The following DOCK8 variants were observed in gnomAD, a reference collection of about 807,000 sequenced individuals.
DOCK8 encodes the protein dedicator of cytokinesis 8.
In DOCK8, 141 loss-of-function variants were observed where a neutral mutation model predicts 245.6. The observed-to-expected ratio is 0.57, with a 90% CI of 0.50 to 0.66. The LOEUF (loss-of-function observed/expected upper bound fraction) is 0.66, where lower values mean the gene tolerates loss of function less well. Ranked by LOEUF, DOCK8 falls within the 30% of genes least tolerant of loss-of-function variation. The probability of loss-of-function intolerance (pLI) is 0.00; values close to 1 mark genes in which losing one functional copy is unlikely to be tolerated. For synonymous variants in DOCK8, 1,168 were observed against 970.2 expected (o/e 1.20, Z -3.79); for missense variants, 2,965 against 2,603.4 (o/e 1.14, Z -3.02).
intron 1 of DOCK8, among the ~76,000 whole-genome samples, chr9:236,726 G>C (rs1407652424): frequency 1.3e-5 from 2 of 152,210 alleles, no homozygotes; most frequent in South Asian, 4.1e-4. Flanking sequence ...CTTGTTTCAT[G>C]TTTATATCAC....
intron 14 of DOCK8, among the ~76,000 whole-genome samples, chr9:348,960 A>G (rs1187946035): frequency 6.6e-6 from 1 of 152,124 alleles, no homozygotes; most frequent in Non-Finnish European, 1.5e-5. Context: ...AGGTATTTTA[A>G]CAGCTCTCCT....
chr9:379,112 A>G (rs12353313), intron 20 of DOCK8, among the ~76,000 whole-genome samples: 45,219 of 151,922 alleles, frequency 0.3, 7,223 homozygotes, highest in African/African-American at 0.4. Flanking sequence ...GGGACAATAC[A>G]ATGACTGCCT....
intron 30 of DOCK8, among the ~76,000 whole-genome samples, chr9:419,886 G>T (rs2056202295): frequency 6.6e-6 from 1 of 152,188 alleles, no homozygotes; most frequent in African/African-American, 2.4e-5. Flanking sequence ...TTAATTTGCT[G>T]AGCAGTTCAT....
intron 14 of DOCK8, chr9:365,945 C>T (rs918628180): frequency 5.1e-5 from 13 of 256,562 alleles, no homozygotes; most frequent in East Asian, 9.6e-5. Flanking sequence ...TCAGTCTTAC[C>T]GACCTGCATC....
At chr9:237,881 T>C (rs2047293061) in intron 1 of DOCK8, among the ~76,000 whole-genome samples, 1 of 151,942 alleles carries the variant, frequency 6.6e-6, no homozygotes, top group African/African-American at 2.4e-5. Flanking sequence ...ACAAAGTGAT[T>C]AATTTAGAAT....
At chr9:399,382 C>T (rs775375537) in intron 26 of DOCK8, 123 bp downstream of exon 26, 49 of 762,202 alleles carry the variant, frequency 6.4e-5, no homozygotes, top group Non-Finnish European at 1.1e-4. Context: ...CCTACACATC[C>T]TGTGTTTTGC....
intron 21 of DOCK8, among the ~76,000 whole-genome samples, chr9:382,192 A>G (rs1442109710): frequency 6.6e-6 from 1 of 152,188 alleles, no homozygotes; most frequent in Non-Finnish European, 1.5e-5. Context: ...GCTTCTCATG[A>G]GAAATCAGAA....
chr9:337,432 A>G (rs1369027396), intron 12 of DOCK8, among the ~76,000 whole-genome samples: 2 of 152,132 alleles, frequency 1.3e-5, no homozygotes, highest in East Asian at 1.9e-4. Flanking sequence ...CAACTATCCT[A>G]TTTGAACTAT....
At chr9:366,573 C>T (rs2053011797) in intron 14 of DOCK8, 1 of 152,116 alleles carries the variant, frequency 6.6e-6, no homozygotes, top group Non-Finnish European at 1.5e-5. Context: ...CTCAATGTGT[C>T]CCCAAATAAT....
At chr9:383,964 A>C (rs1227037731) in intron 22 of DOCK8, among the ~76,000 whole-genome samples, 1 of 152,168 alleles carries the variant, frequency 6.6e-6, no homozygotes, top group African/African-American at 2.4e-5. Context: ...TATTCATGGA[A>C]TATTATTCAT....
intron 1 of DOCK8, among the ~76,000 whole-genome samples, chr9:216,962 A>C (rs1256895354): frequency 1.3e-5 from 2 of 152,152 alleles, no homozygotes; most frequent in African/African-American, 4.8e-5. Flanking sequence ...TGGACATGTT[A>C]CTTAACTTCT....
intron 39 of DOCK8, among the ~76,000 whole-genome samples, chr9:438,383 G>C (rs149326646): frequency 6.0e-4 from 92 of 152,302 alleles, no homozygotes; most frequent in African/African-American, 2.1e-3. Context: ...TGTGCCACCT[G>C]TTTGTAATCC....
At chr9:275,312 A>G (rs57156601) in intron 2 of DOCK8, among the ~76,000 whole-genome samples, 8,685 of 152,252 alleles carry the variant, frequency 0.057, 860 homozygotes, top group African/African-American at 0.2. Flanking sequence ...ATTTGGGAGA[A>G]CAGGTAATGT....
At chr9:286,956 G>C (rs1163936226) in intron 3 of DOCK8, among the ~76,000 whole-genome samples, 1 of 152,184 alleles carries the variant, frequency 6.6e-6, no homozygotes, top group Non-Finnish European at 1.5e-5. Context: ...GACCTTGGCT[G>C]TCACATGACC....
rs1427684697 is a variant in DOCK8 at position 386,666 on chromosome 9, T to C, written c.2874+240T>C. Among the ~76,000 whole-genome samples, 3 of 152,196 alleles carry C rather than the reference T, an allele frequency of 2.0e-5. No individual in the cohort carries two copies. In the East Asian group the frequency reaches 5.8e-4, roughly 29 times the overall value. ...ATGCATCAGAATTACCTGGAAGCCTTGTTAAAACTCATCGCTGGACCCTAC... is the reference window on the plus strand; with the variant it reads ...ATGCATCAGAATTACCTGGAAGCCTCGTTAAAACTCATCGCTGGACCCTAC... On this transcript the variant is annotated intron_variant, in intron 23 of 47. Coordinates refer to ENST00000432829, the MANE Select transcript of DOCK8 (RefSeq NM_203447.4).
intron 23 of DOCK8, among the ~76,000 whole-genome samples, chr9:387,966 GCAGA>G (rs1483235006): frequency 3.9e-5 from 6 of 152,174 alleles, no homozygotes; most frequent in African/African-American, 1.4e-4. Context: ...TAATACCTTA[GCAGA>G]CAGAGTTTTG....
chr9:448,929 A>C (rs1178315275), intron 44 of DOCK8, among the ~76,000 whole-genome samples: 1 of 152,246 alleles, frequency 6.6e-6, no homozygotes, highest in Non-Finnish European at 1.5e-5. Flanking sequence ...TTGACCCTTA[A>C]AAGAATTCCA....
intron 1 of DOCK8, among the ~76,000 whole-genome samples, chr9:261,470 A>G (rs1195789373): frequency 1.3e-5 from 2 of 152,198 alleles, no homozygotes; most frequent in African/African-American, 4.8e-5. Context: ...GCATCAGACT[A>G]GCTACTCTAT....
intron 39 of DOCK8, among the ~76,000 whole-genome samples, chr9:436,769 G>C (rs1052899085): frequency 1.3e-5 from 2 of 152,138 alleles, no homozygotes; most frequent in Non-Finnish European, 2.9e-5. Context: ...TTCTTTTAGA[G>C]AATATTTATT....
Sources: allele counts gnomAD v4.1 joint callset (sites outside exome capture counted in the v4.1 genomes callset), GRCh38; gene constraint gnomAD v4.1.1; transcripts MANE v1.5; gene names NCBI Gene and HGNC (gene_info 2026-07-23, HGNC 2026-07-21).